The following ABRAXAS1 variants were observed in gnomAD, a reference collection of about 807,000 sequenced individuals.
ABRAXAS1 encodes the protein BRCA1-A complex subunit Abraxas 1.
In ABRAXAS1, 26 loss-of-function variants were observed where a neutral mutation model predicts 38.4. That is an observed-to-expected ratio of 0.68 (90% CI 0.50 to 0.94). ABRAXAS1 has a LOEUF of 0.94. ABRAXAS1 is among the 40% of genes least tolerant of loss of function. The pLI is 0.00. For synonymous variants in ABRAXAS1, 144 were observed against 165.5 expected, an observed-to-expected ratio of 0.87 and a Z score of 1.00; for missense variants, 438 against 481.9, an observed-to-expected ratio of 0.91 and a Z score of 0.85.
chr4:83,468,274 C>T (rs1298536287), intron 6 of ABRAXAS1, among the ~76,000 whole-genome samples: 2 of 150,792 alleles, frequency 1.3e-5, no homozygotes, highest in Non-Finnish European at 1.5e-5. Flanking sequence ...CATTACACCC[C>T]GGCCTGGACA....
chr4:83,480,896 C>T (rs763665781), intron 2 of ABRAXAS1, among the ~76,000 whole-genome samples: 2 of 152,066 alleles, frequency 1.3e-5, no homozygotes, highest in Admixed American at 6.5e-5. Flanking sequence ...TTTGAAAGAC[C>T]GAGGCGAGTG....
At chr4:83,473,047 G>C (rs992661581) in intron 3 of ABRAXAS1, among the ~76,000 whole-genome samples, 1 of 152,276 alleles carries the variant, frequency 6.6e-6, no homozygotes, top group Non-Finnish European at 1.5e-5. Flanking sequence ...GGGAGGCTGA[G>C]GGGGGTGGAT....
intron 3 of ABRAXAS1, among the ~76,000 whole-genome samples, chr4:83,473,960 C>G (rs943296923): frequency 2.0e-5 from 3 of 151,156 alleles, no homozygotes; most frequent in African/African-American, 7.3e-5. Context: ...GGCAAAACCC[C>G]ATCTCTACTA....
At chr4:83,463,110 A>G (rs1451594251) in intron 8 of ABRAXAS1, among the ~76,000 whole-genome samples, 2 of 152,174 alleles carry the variant, frequency 1.3e-5, no homozygotes, top group Non-Finnish European at 2.9e-5. Flanking sequence ...TCAGCAATAT[A>G]GCTACCATAG....
intron 1 of ABRAXAS1, among the ~76,000 whole-genome samples, chr4:83,483,415 G>A (rs1412125320): frequency 2.6e-5 from 4 of 151,646 alleles, no homozygotes; most frequent in African/African-American, 9.7e-5. Context: ...CAAGTAGCTG[G>A]GTCTACAGGC....
intron 6 of ABRAXAS1, 40 bp from the exon 7 acceptor site, chr4:83,467,578 C>A (rs750350416): frequency 1.0e-6 from 1 of 979,768 alleles, no homozygotes. Context: ...ATACACAAAA[C>A]CATTTTAATG....
intron 2 of ABRAXAS1, chr4:83,480,197 C>A: frequency 4.2e-6 from 1 of 239,070 alleles, no homozygotes. Flanking sequence ...GGTGAAACCC[C>A]ATCTCTACTA....
In ABRAXAS1 at chr4:83,469,414, T is replaced by A. The variant is rs147636360; in HGVS notation, c.477-263A>T. 127 of 327,504 alleles carry A rather than the reference T, an allele frequency of 3.9e-4. 1 individual carries two copies. The highest frequency in any genetic ancestry group is 2.5e-3 in the African/African-American group (121 of 47,512). The allele number at this position is 327,504 out of a possible 1,614,324, so 20.3% of individuals were successfully genotyped here. ...ATAATGCAGCTTCAACCTCCCGTGCTCAAGCAATCCTCTTGCCTCAGCCTC... is the reference window on the plus strand; with the variant it reads ...ATAATGCAGCTTCAACCTCCCGTGCACAAGCAATCCTCTTGCCTCAGCCTC... On this transcript the variant is annotated intron_variant, in intron 5 of 8. Transcript: ENST00000321945.
intron 2 of ABRAXAS1, among the ~76,000 whole-genome samples, chr4:83,480,988 C>T (rs1347710672): frequency 4.6e-5 from 7 of 151,890 alleles, no homozygotes; most frequent in African/African-American, 1.5e-4. Context: ...AAAAGTTAGC[C>T]GGGCGTGGCA....
At chr4:83,463,667 T>G (rs924391087) in intron 7 of ABRAXAS1, 59 bp from the exon 8 acceptor site, 16 of 866,822 alleles carry the variant, frequency 1.8e-5, no homozygotes, top group Non-Finnish European at 2.6e-5. Flanking sequence ...ACTAATACAG[T>G]CTAGATTCAC....
At chr4:83,481,569 C>T (rs1723001489) in intron 2 of ABRAXAS1, among the ~76,000 whole-genome samples, 1 of 152,082 alleles carries the variant, frequency 6.6e-6, no homozygotes, top group East Asian at 1.9e-4. Context: ...CTTGGTCTTC[C>T]TATTGCCGGG....
At position 83,459,876 on chromosome 4, in the gene ABRAXAS1, A is replaced by G. The variant is rs1339139961; in HGVS notation, c.*2593T>C. 2 of 1,260,586 alleles carry G rather than the reference A, an allele frequency of 1.6e-6. No individual in the cohort carries two copies. The highest frequency in any genetic ancestry group is 2.2e-6 in the Non-Finnish European group (2 of 898,712). 78.1% of individuals were successfully genotyped at this position (1,260,586 alleles called of 1,614,324 possible). ...TATTTCTATCATTTAAGAAAACTCA[A>G]ATTTTCAAATTGTGCTATAAATTAC... On this transcript the variant is annotated 3_prime_UTR_variant, in exon 9 of 9. Coordinates refer to ENST00000321945, the MANE Select transcript of ABRAXAS1 (RefSeq NM_139076.3).
chr4:83,462,289 G>T lies in ABRAXAS1; in HGVS notation c.*180C>A. ...AGGTTTGGAAATAAAAGCATCTGAT[G>T]TTTGAAAAAGTACTTTGTGAAGTAA... On this transcript the variant is annotated 3_prime_UTR_variant, in exon 9 of 9. Transcript: ENST00000321945. The T allele has an allele frequency of 1.7e-6, 1 of 581,460 alleles. No individual in the cohort carries two copies. Among genetic ancestry groups the T allele is most frequent in the Non-Finnish European group, 3.0e-6 (1 of 336,778 alleles). The allele number at this position is 581,460 out of a possible 1,614,324, so 36.0% of individuals were successfully genotyped here.
chr4:83,481,956 C>T (rs762373516), intron 2 of ABRAXAS1, among the ~76,000 whole-genome samples, 198 bp downstream of exon 2: 4 of 152,076 alleles, frequency 2.6e-5, no homozygotes, highest in South Asian at 2.1e-4. Context: ...ACCATGTTGG[C>T]CAGGCTGGTC....
Position 83,459,746 on chromosome 4 carries a change from TC to T in ABRAXAS1, c.*2722del. ...ACATAAAACTCCAAAACAGCTTTTG[TC>T]CCAGTTTGTTTCTCCATTTACTGGA... On this transcript the variant is annotated 3_prime_UTR_variant, in exon 9 of 9. Transcript: ENST00000321945. 6.2e-7 allele frequency: 1 copy of T among 1,610,420 alleles called. No homozygotes were observed. Among genetic ancestry groups the T allele is most frequent in the Non-Finnish European group, 8.5e-7 (1 of 1,178,242 alleles).
At position 83,476,638 on chromosome 4, in the gene ABRAXAS1, C is replaced by A; in HGVS notation, c.215+5G>T. The A allele has an allele frequency of 6.4e-7, 1 of 1,560,040 alleles. No individual in the cohort carries two copies. The highest frequency in any genetic ancestry group is 8.8e-7 in the Non-Finnish European group (1 of 1,132,350). The stretch of plus-strand genomic sequence containing the variant: ...GATCATTTACTTACTAGCACTACTA[C>A]TTACCTAAAAAGCTGATAGCATGGA... On this transcript the variant is annotated splice_donor_5th_base_variant and intron_variant, in intron 3 of 8. Coordinates refer to ENST00000321945, the MANE Select transcript of ABRAXAS1 (RefSeq NM_139076.3).
chr4:83,480,941 G>C (rs754447579), intron 2 of ABRAXAS1, among the ~76,000 whole-genome samples: 55 of 152,018 alleles, frequency 3.6e-4, no homozygotes, highest in Admixed American at 7.9e-4. Context: ...GGCAAGCCTC[G>C]CCAACATAAT....
In ABRAXAS1 at chr4:83,482,798, C is replaced by G. The variant is rs1723044919; in HGVS notation, c.88-554G>C. Among the ~76,000 whole-genome samples the G allele has an allele frequency of 1.3e-5, 2 of 152,232 alleles. 1 individual carries two copies. The highest frequency in any genetic ancestry group is 4.2e-4 in the South Asian group (2 of 4,806). On this transcript the variant is annotated intron_variant, in intron 1 of 8. Coordinates refer to ENST00000321945, the MANE Select transcript of ABRAXAS1 (RefSeq NM_139076.3). The stretch of plus-strand genomic sequence containing the variant: ...GGGAGGCTACAGATTAGCCCTGTAG[C>G]CCTGGGGAGGCTACAGATTAGACTA...
At chr4:83,465,299 C>CAAAAAAAAAAAAAAAA (rs35072866) in intron 7 of ABRAXAS1, among the ~76,000 whole-genome samples, 4 of 88,202 alleles carry the variant, frequency 4.5e-5, no homozygotes, top group Non-Finnish European at 6.6e-5. Context: ...GACTCTGTCT[C>CAAAAAAAAAAAAAAAA]AAAAAAAAAA....
Sources: gnomAD v4.1 joint callset for allele counts (sites outside exome capture counted in the v4.1 genomes callset) on GRCh38, gnomAD v4.1.1 for gene constraint, MANE v1.5 for transcripts, NCBI Gene and HGNC (gene_info 2026-07-23, HGNC 2026-07-21) for gene names.